Variants in LOXL3 observed in about 807,000 individuals in gnomAD.
The protein encoded by LOXL3 is lysyl oxidase like 3.
Under a neutral mutation model 91.8 loss-of-function variants are expected in LOXL3, and 60 were observed. The observed-to-expected ratio is 0.65, with a 90% CI of 0.53 to 0.81. The LOEUF (loss-of-function observed/expected upper bound fraction) is 0.81, where lower values mean the gene tolerates loss of function less well. Ranked by LOEUF, LOXL3 falls within the 30% of genes least tolerant of loss-of-function variation. The pLI, the probability that LOXL3 is intolerant of heterozygous loss-of-function variation, is 0.00. For missense variants in LOXL3, 874 were observed against 1,000.4 expected (o/e 0.87, Z 1.70); for synonymous variants, 355 against 387.6 (o/e 0.92, Z 0.99).
chr2:74,539,226 G>A (rs1170850086), intron 4 of LOXL3, among the ~76,000 whole-genome samples: 1 of 152,224 alleles, frequency 6.6e-6, no homozygotes, highest in African/African-American at 2.4e-5. Context: ...TGTGGCGCAG[G>A]AAAGGTACAG....
Position 74,536,348 on chromosome 2 carries a change from GAC to G in LOXL3, c.1034_1035del (p.Cys345SerfsTer28), listed in dbSNP as rs758898600. 4 of 1,614,046 alleles carry G rather than the reference GAC, an allele frequency of 2.5e-6. No homozygotes were observed. The highest frequency in any genetic ancestry group is 2.5e-6 in the Non-Finnish European group (3 of 1,180,004). On this transcript the variant is annotated frameshift_variant, in exon 6 of 14. Coordinates refer to ENST00000264094, the MANE Select transcript of LOXL3 (RefSeq NM_032603.5). LOFTEE classifies it high-confidence loss of function. This position sits in a 1 kb window ranked among gnomAD's most constrained non-coding sequence, Gnocchi z 4.5. ...KWDLHAASVV[C>X]RELGFGSARE... ...CGAGCACTCCCGAAGCCCAGCTCCC[GAC>G]ACACCACGCTGGCTGCATGCAGGTC... is the stretch of plus-strand genomic sequence containing the variant.
chr2:74,554,215 G>T, upstream of LOXL3: 1 of 157,054 alleles, frequency 6.4e-6, no homozygotes, highest in South Asian at 1.7e-4. This position sits in a 1 kb window ranked among gnomAD's most constrained non-coding sequence, Gnocchi z 4.9. Flanking sequence ...TCAGGGAGCT[G>T]ACATGCAAGC....
intron 4 of LOXL3, among the ~76,000 whole-genome samples, chr2:74,547,392 C>T (rs999411325): frequency 1.1e-4 from 17 of 152,154 alleles, no homozygotes; most frequent in African/African-American, 3.1e-4. Flanking sequence ...CCTTTGTTCA[C>T]GCTATCTTCT....
Position 74,532,741 on chromosome 2 carries a change from G to A in LOXL3, c.*865C>T, listed in dbSNP as rs1222783422. 1.9e-6 allele frequency: 3 copies of A among 1,612,306 alleles called. No homozygotes were observed. The highest frequency in any genetic ancestry group is 1.7e-4 in the Middle Eastern group (1 of 6,002). ...TGAGGGAGAGGCTGCAGTGTGATATGGGGATGGGCAAGGTGTGCATGTGTC... is the reference window on the plus strand; with the variant it reads ...TGAGGGAGAGGCTGCAGTGTGATATAGGGATGGGCAAGGTGTGCATGTGTC... On this transcript the variant is annotated 3_prime_UTR_variant, in exon 14 of 14. Coordinates refer to ENST00000264094, the MANE Select transcript of LOXL3 (RefSeq NM_032603.5).
Position 74,550,256 on chromosome 2 carries a change from G to A in LOXL3, c.406C>T (p.His136Tyr). The change falls in exon 3 of 14, where the codon CAC (histidine) becomes TAC (tyrosine). Residue 136 changes from histidine to tyrosine, a missense_variant. His to Tyr is a moderately conservative substitution (Grantham distance 83). Transcript: ENST00000264094. ...CAGATGACCCCAGCATCCTCATCGT[G>A]CGTACAGTCACTGTTCCCCCAGCCC... ...SRGWGNSDCT[H>Y]DEDAGVICKD... 1 of 1,614,174 alleles carries A rather than the reference G, an allele frequency of 6.2e-7. No individual in the cohort carries two copies. Among genetic ancestry groups the A allele is most frequent in the African/African-American group, 1.3e-5 (1 of 75,028 alleles).
upstream of LOXL3, chr2:74,554,892 A>G (rs1677305524): frequency 5.7e-6 from 9 of 1,587,652 alleles, no homozygotes; most frequent in East Asian, 2.1e-4. The surrounding 1 kb of genome is among the most constrained non-coding windows in gnomAD (Gnocchi z 4.9). Context: ...AGAGGTGGGC[A>G]GCGGGCTGGA....
At chr2:74,546,263 C>T (rs1178901535) in intron 4 of LOXL3, among the ~76,000 whole-genome samples, 1 of 152,174 alleles carries the variant, frequency 6.6e-6, no homozygotes, top group Non-Finnish European at 1.5e-5. Flanking sequence ...TCTACTGCAT[C>T]CCTTACAATC....
upstream of LOXL3, chr2:74,554,620 ACCCCACCGCGACCC>A: frequency 1.3e-6 from 1 of 776,004 alleles, no homozygotes; most frequent in Admixed American, 2.7e-5. This position sits in a 1 kb window ranked among gnomAD's most constrained non-coding sequence, Gnocchi z 4.9. Context: ...CCTCTCCCTC[ACCCCACCGCGACCC>A]CCCCAGCGGC....
intron 4 of LOXL3, among the ~76,000 whole-genome samples, chr2:74,542,250 G>A (rs1002918878): frequency 6.6e-6 from 1 of 152,148 alleles, no homozygotes; most frequent in African/African-American, 2.4e-5. Flanking sequence ...CCATGATGGC[G>A]CCACTGCACT....
In LOXL3 at chr2:74,536,399, C is replaced by G. The variant is rs186371653; in HGVS notation, c.985G>C (p.Gly329Arg). The change falls in exon 6 of 14, where the codon GGC becomes CGC. Residue 329 changes from glycine (G) to arginine (R), a missense_variant. By Grantham distance (125) the Gly-to-Arg change is moderately radical. Transcript: ENST00000264094. The surrounding 1 kb of genome is among the most constrained non-coding windows in gnomAD (Gnocchi z 4.5). ...RVEVLKASTW[G>R]TVCDRKWDLH... ...TCCCACTTGCGGTCACAGACTGTGC[C>G]CCATGTGCTGGCCTTCAGGACTTCT... is the stretch of plus-strand genomic sequence containing the variant. 1 of 1,614,194 alleles carries G rather than the reference C, an allele frequency of 6.2e-7. No individual in the cohort carries two copies. Among genetic ancestry groups the G allele is most frequent in the Admixed American group, 1.7e-5 (1 of 60,026 alleles).
At position 74,549,155 on chromosome 2, in the gene LOXL3, C is replaced by G; in HGVS notation, c.692+214G>C. 1 of 455,830 alleles carries G rather than the reference C, an allele frequency of 2.2e-6. No homozygotes were observed. The highest frequency in any genetic ancestry group is 3.7e-6 in the Non-Finnish European group (1 of 269,912). 28.2% of individuals were successfully genotyped at this position (455,830 alleles called of 1,614,324 possible). ...GTCGGCCACGAGAGAGCGGGAGCCT[C>G]GCTGGTCCCCATTTCAGGTACTCCC... On this transcript the variant is annotated intron_variant, in intron 4 of 13. Transcript: ENST00000264094. This position sits in a 1 kb window ranked among gnomAD's most constrained non-coding sequence, Gnocchi z 5.3.
At chr2:74,547,856 C>T (rs1045487382) in intron 4 of LOXL3, among the ~76,000 whole-genome samples, 1 of 152,030 alleles carries the variant, frequency 6.6e-6, no homozygotes, top group African/African-American at 2.4e-5. Context: ...TCTTTTTTGA[C>T]AGGATTACTA....
intron 2 of LOXL3, among the ~76,000 whole-genome samples, chr2:74,552,088 C>T (rs1351439500): frequency 6.6e-6 from 1 of 152,228 alleles, no homozygotes; most frequent in Non-Finnish European, 1.5e-5. Flanking sequence ...ACTTAGACAT[C>T]ATCTAGTCAT....
chr2:74,532,435 A>G lies in LOXL3; in HGVS notation c.*1171T>C, dbSNP rs1675678440. 2 of 651,674 alleles carry G rather than the reference A, an allele frequency of 3.1e-6. No homozygotes were observed. The highest frequency in any genetic ancestry group is 5.6e-6 in the Non-Finnish European group (2 of 354,126). 40.4% of individuals were successfully genotyped at this position (651,674 alleles called of 1,614,324 possible). On this transcript the variant is annotated 3_prime_UTR_variant, in exon 14 of 14. Transcript: ENST00000264094. ...CATTTGGTGCCCTCATGTGGTGTAC[A>G]TCTTTTATGTACATGTTGCACTTTA...
chr2:74,532,853 C>G lies in LOXL3; in HGVS notation c.*753G>C, dbSNP rs757932841. The G allele has an allele frequency of 1.5e-5, 25 of 1,613,914 alleles. No individual in the cohort carries two copies. The highest frequency in any genetic ancestry group is 2.0e-5 in the Non-Finnish European group (24 of 1,180,026). ...TGCGGCCTGGTGATGTGATTTTGGCCATTGGGGAGCAGATGGTACAAAATG... is the reference window on the plus strand; with the variant it reads ...TGCGGCCTGGTGATGTGATTTTGGCGATTGGGGAGCAGATGGTACAAAATG... On this transcript the variant is annotated 3_prime_UTR_variant, in exon 14 of 14. Coordinates refer to ENST00000264094, the MANE Select transcript of LOXL3 (RefSeq NM_032603.5).
upstream of LOXL3, chr2:74,554,846 C>A (rs755991157): frequency 2.4e-5 from 39 of 1,612,596 alleles, no homozygotes; most frequent in Non-Finnish European, 3.2e-5. The surrounding 1 kb of genome is among the most constrained non-coding windows in gnomAD (Gnocchi z 4.9). Flanking sequence ...GAACCTTATC[C>A]GGGCTAGTAG....
At chr2:74,554,613 C>A, upstream of LOXL3, 1 of 740,618 alleles carries the variant, frequency 1.4e-6, no homozygotes, top group Non-Finnish European at 2.2e-6. The surrounding 1 kb of genome is among the most constrained non-coding windows in gnomAD (Gnocchi z 4.9). Flanking sequence ...TCTCGCTCCT[C>A]TCCCTCACCC....
At chr2:74,555,610 A>C, upstream of LOXL3, 3 of 1,613,932 alleles carry the variant, frequency 1.9e-6, no homozygotes, top group Non-Finnish European at 2.5e-6. The surrounding 1 kb of genome is among the most constrained non-coding windows in gnomAD (Gnocchi z 6.1). Flanking sequence ...CCGATAACCC[A>C]CCTAAGCTTT....
At position 74,535,999 on chromosome 2, in the gene LOXL3, G is replaced by T; in HGVS notation, c.1245C>A (p.Thr415=). 3.2e-6 allele frequency: 5 copies of T among 1,570,086 alleles called. No homozygotes were observed. Among genetic ancestry groups the T allele is most frequent in the Non-Finnish European group, 4.3e-6 (5 of 1,160,396 alleles). Residue 415 remains threonine, a synonymous_variant, in exon 7 of 14, where the codon ACC becomes ACA. Transcript: ENST00000264094. This position sits in a 1 kb window ranked among gnomAD's most constrained non-coding sequence, Gnocchi z 4.2. ...CAAGGTAGAGAGGATGACTGACCCT[G>T]GTCTCTGCCCCAGTGTAAGGTAGGT... The part of the protein sequence containing the change: ...RCNLPYTGAE[T]RIRLSGGRSQ...
Sources: allele counts gnomAD v4.1 joint callset (sites outside exome capture counted in the v4.1 genomes callset), GRCh38; gene constraint gnomAD v4.1.1; non-coding constraint Gnocchi (gnomAD v3.1); transcripts MANE v1.5; gene names NCBI Gene and HGNC (gene_info 2026-07-23, HGNC 2026-07-21).